Variants in KDM4B observed in about 807,000 individuals in gnomAD.
The protein encoded by KDM4B is lysine demethylase 4B, also known as lysine-specific demethylase 4B.
In KDM4B, 32 loss-of-function variants were observed where a neutral mutation model predicts 125.2. That is an observed-to-expected ratio of 0.26 (90% CI 0.19 to 0.34). The LOEUF is 0.34. Ranked by LOEUF, KDM4B falls within the 10% of genes least tolerant of loss-of-function variation. The pLI, the probability that KDM4B is intolerant of heterozygous loss-of-function variation, is 1.00. For synonymous variants in KDM4B, 721 were observed against 677.9 expected, an observed-to-expected ratio of 1.06 and a Z score of -0.99; for missense variants, 1,190 against 1,577.7, an observed-to-expected ratio of 0.75 and a Z score of 4.16.
At chr19:5,090,352 C>G (rs1401188362) in intron 9 of KDM4B, among the ~76,000 whole-genome samples, 1 of 147,896 alleles carries the variant, frequency 6.8e-6, no homozygotes, top group Non-Finnish European at 1.5e-5. Flanking sequence ...AACGTTCTCT[C>G]TCTCTCTCTC....
intron 9 of KDM4B, among the ~76,000 whole-genome samples, chr19:5,105,618 G>C (rs575493802): frequency 6.6e-6 from 1 of 152,132 alleles, no homozygotes; most frequent in African/African-American, 2.4e-5. Flanking sequence ...ATAAATTTTT[G>C]TGGAGACAGC....
chr19:4,996,314 T>C (rs2035199294), intron 1 of KDM4B, among the ~76,000 whole-genome samples: 1 of 152,166 alleles, frequency 6.6e-6, no homozygotes, highest in African/African-American at 2.4e-5. Flanking sequence ...TAAACAATGC[T>C]GCTGGCCACA....
chr19:4,977,671 T>G (rs2034495327), intron 1 of KDM4B, among the ~76,000 whole-genome samples: 1 of 152,192 alleles, frequency 6.6e-6, no homozygotes, highest in Non-Finnish European at 1.5e-5. Context: ...TCCCAGGGGT[T>G]CCTTTTGACC....
Position 5,144,395 on chromosome 19 carries a change from T to C in KDM4B, c.2884T>C (p.Tyr962His), listed in dbSNP as rs372774894. ...CGATGGCTCCTACAGCGACAACCTG[T>C]ACCCTGAGAGCATCACGGTGAGCTG... ...FDDGSYSDNLYPESITSRDCV... is the reference protein window; with the variant it reads ...FDDGSYSDNLHPESITSRDCV... The change falls in exon 20 of 23, where the codon TAC (tyrosine) becomes CAC (histidine). Residue 962 changes from tyrosine to histidine, a missense_variant. By Grantham distance (83) the Tyr-to-His change is moderately conservative (BLOSUM62 2). This residue lies in a region of KDM4B where 298 missense variants were observed against 439.7 expected (regional missense o/e 0.68). Transcript: ENST00000159111. The C allele has an allele frequency of 7.3e-6, 10 of 1,371,920 alleles. No homozygotes were observed. Among genetic ancestry groups the C allele is most frequent in the Admixed American group, 1.9e-5 (1 of 52,842 alleles). 85.0% of individuals were successfully genotyped at this position (1,371,920 alleles called of 1,614,324 possible).
At chr19:5,015,133 G>GCAGC (rs2035853844) in intron 1 of KDM4B, among the ~76,000 whole-genome samples, 1 of 152,326 alleles carries the variant, frequency 6.6e-6, no homozygotes, top group South Asian at 2.1e-4. Context: ...GAAGCAGAGG[G>GCAGC]CAGCCTGAGC....
chr19:4,985,585 G>A (rs929439674), intron 1 of KDM4B, among the ~76,000 whole-genome samples: 2 of 152,266 alleles, frequency 1.3e-5, no homozygotes, highest in South Asian at 2.1e-4. Flanking sequence ...GGGAGGCTTG[G>A]AGCCCGAGGG....
At chr19:5,049,317 C>T (rs983925083) in intron 6 of KDM4B, among the ~76,000 whole-genome samples, 4 of 152,090 alleles carry the variant, frequency 2.6e-5, no homozygotes, top group Non-Finnish European at 4.4e-5. Flanking sequence ...CGCCTGGTGC[C>T]GCAGGCGTCC....
intron 9 of KDM4B, among the ~76,000 whole-genome samples, chr19:5,106,548 A>G (rs910681452): frequency 2.0e-5 from 3 of 152,196 alleles, no homozygotes; most frequent in Non-Finnish European, 4.4e-5. Flanking sequence ...CGCAGGACCC[A>G]GCAGCCACCC....
intron 20 of KDM4B, 27 bp downstream of exon 20, chr19:5,144,439 G>A (rs763203162): frequency 1.8e-5 from 28 of 1,539,912 alleles, no homozygotes; most frequent in African/African-American, 4.1e-5. Context: ...GGCAGGGGGC[G>A]GGGGGAGGCT....
intron 2 of KDM4B, among the ~76,000 whole-genome samples, chr19:5,027,917 A>G (rs1031887356): frequency 6.6e-6 from 1 of 152,244 alleles, no homozygotes; most frequent in Non-Finnish European, 1.5e-5. Context: ...TAAAGTGTCC[A>G]GTTCCACAGT....
intron 10 of KDM4B, among the ~76,000 whole-genome samples, chr19:5,117,793 G>A (rs752270132): frequency 6.6e-5 from 10 of 151,416 alleles, no homozygotes; most frequent in African/African-American, 1.5e-4. Context: ...CGGCCACCCC[G>A]CAGCGACCTT....
rs2039213342 is a variant in KDM4B at position 5,114,320 on chromosome 19, C to T, written c.1115+3502C>T. Reference sequence around the variant, plus strand: ...CCGGCTGGGCCCAGGCCTCGTCTCCCCTACCCCTCCGAGCTCGGTGCTGCC... The same window carrying T: ...CCGGCTGGGCCCAGGCCTCGTCTCCTCTACCCCTCCGAGCTCGGTGCTGCC... On this transcript the variant is annotated intron_variant, in intron 10 of 22. Transcript: ENST00000159111. The surrounding 1 kb of genome is among the most constrained non-coding windows in gnomAD (Gnocchi z 5.8). 9.9e-7 allele frequency: 1 copy of T among 1,013,618 alleles called. No individual in the cohort carries two copies. Among genetic ancestry groups the T allele is most frequent in the Admixed American group, 2.3e-5 (1 of 43,214 alleles). The allele number at this position is 1,013,618 out of a possible 1,614,324, so 62.8% of individuals were successfully genotyped here. A position where few individuals can be genotyped will look rare whatever the true frequency, so the allele number is the denominator to read the frequency against.
intron 11 of KDM4B, among the ~76,000 whole-genome samples, chr19:5,123,783 C>CT (rs2039402989): frequency 1.3e-5 from 2 of 152,354 alleles, no homozygotes; most frequent in African/African-American, 4.8e-5. Flanking sequence ...CCTGGGCTGG[C>CT]TGCGGTAGCC....
chr19:5,149,820 T>C (rs1224959203), intron 21 of KDM4B, among the ~76,000 whole-genome samples: 1 of 152,200 alleles, frequency 6.6e-6, no homozygotes, highest in Non-Finnish European at 1.5e-5. Context: ...GATTTTTCTC[T>C]GAGTTGAAGG....
At chr19:5,014,495 C>CT (rs1424277458) in intron 1 of KDM4B, among the ~76,000 whole-genome samples, 1 of 151,918 alleles carries the variant, frequency 6.6e-6, no homozygotes, top group Non-Finnish European at 1.5e-5. Context: ...CCAGGATGGT[C>CT]CGATCTCCTG....
chr19:5,055,630 G>A (rs1009136243), intron 6 of KDM4B, among the ~76,000 whole-genome samples: 7 of 151,562 alleles, frequency 4.6e-5, no homozygotes, highest in Admixed American at 6.6e-5. Context: ...CTGGGAGGGC[G>A]CCCCGCAGCA....
At chr19:5,039,021 C>T (rs1450919724) in intron 3 of KDM4B, among the ~76,000 whole-genome samples, 1 of 152,276 alleles carries the variant, frequency 6.6e-6, no homozygotes, top group African/African-American at 2.4e-5. Flanking sequence ...TGGGCTCCAA[C>T]CCCTGTTCTC....
At chr19:5,044,571 CAG>C (rs757218530) in intron 5 of KDM4B, among the ~76,000 whole-genome samples, 1 of 152,194 alleles carries the variant, frequency 6.6e-6, no homozygotes, top group African/African-American at 2.4e-5. Flanking sequence ...GTCTTTGAGA[CAG>C]AGTCTTGCTC....
intron 9 of KDM4B, among the ~76,000 whole-genome samples, chr19:5,097,912 C>T (rs1599179784): frequency 1.3e-5 from 2 of 152,348 alleles, no homozygotes; most frequent in East Asian, 1.9e-4. Context: ...GCAGAGCCGT[C>T]GTGGACCTGG....
Sources: allele counts gnomAD v4.1 joint callset (sites outside exome capture counted in the v4.1 genomes callset), GRCh38; gene constraint gnomAD v4.1.1; regional missense constraint gnomAD v4.1.1; non-coding constraint Gnocchi (gnomAD v3.1); transcripts MANE v1.5; gene names NCBI Gene and HGNC (gene_info 2026-07-23, HGNC 2026-07-21).